The following ROR1 variants were observed in gnomAD, a reference collection of about 807,000 sequenced individuals.
ROR1 encodes ROR family WNT receptor 1.
Under a neutral mutation model 78.8 loss-of-function variants are expected in ROR1, and 19 were observed. The observed-to-expected ratio is 0.24, with a 90% CI of 0.17 to 0.35. ROR1 has a LOEUF of 0.35. ROR1 is among the 10% of genes least tolerant of loss of function. The probability of loss-of-function intolerance (pLI) is 1.00; values close to 1 mark genes in which losing one functional copy is unlikely to be tolerated. For synonymous variants in ROR1, 386 were observed against 433.6 expected (o/e 0.89, Z 1.36); for missense variants, 917 against 1,177.8 (o/e 0.78, Z 3.24).
At chr1:64,073,657 A>C (rs1348249563) in intron 4 of ROR1, among the ~76,000 whole-genome samples, 2 of 152,210 alleles carry the variant, frequency 1.3e-5, no homozygotes, top group Non-Finnish European at 2.9e-5. Context: ...TCTTCAGAGA[A>C]AGTTAGATGC....
chr1:64,142,993 A>G, intron 7 of ROR1: 2 of 1,101,720 alleles, frequency 1.8e-6, no homozygotes, highest in East Asian at 6.3e-5. Flanking sequence ...GGACCTTTTC[A>G]GCAAAAAAAG....
At chr1:63,842,613 A>G (rs1391143124) in intron 1 of ROR1, among the ~76,000 whole-genome samples, 9 of 152,182 alleles carry the variant, frequency 5.9e-5, no homozygotes, top group Non-Finnish European at 1.3e-4. Context: ...CAAGATGTGC[A>G]GAAACGGAAG....
chr1:64,013,789 T>C (rs1646496429), intron 2 of ROR1, among the ~76,000 whole-genome samples: 1 of 152,246 alleles, frequency 6.6e-6, no homozygotes, highest in Non-Finnish European at 1.5e-5. Context: ...CTCGGTGTAT[T>C]GAAATTATCT....
At chr1:64,087,558 T>C (rs1045031463) in intron 4 of ROR1, among the ~76,000 whole-genome samples, 2 of 152,180 alleles carry the variant, frequency 1.3e-5, no homozygotes, top group Admixed American at 6.5e-5. Flanking sequence ...CTTTAAGTAA[T>C]GTGGGCTTAA....
chr1:63,989,853 A>G (rs896255322), intron 1 of ROR1, among the ~76,000 whole-genome samples: 8 of 152,214 alleles, frequency 5.3e-5, no homozygotes, highest in Admixed American at 3.9e-4. Context: ...GAACAGATGC[A>G]TGGATATGCG....
chr1:63,909,307 C>T (rs1191684425), intron 1 of ROR1, among the ~76,000 whole-genome samples: 1 of 152,102 alleles, frequency 6.6e-6, no homozygotes, highest in Non-Finnish European at 1.5e-5. Flanking sequence ...TCAGTAAGTA[C>T]TTACAAACAA....
At chr1:63,787,476 T>TCCTGCCTTCCTGCCTTCCTGCCTTCCTG (rs1553131691) in intron 1 of ROR1, among the ~76,000 whole-genome samples, 4 of 132,484 alleles carry the variant, frequency 3.0e-5, no homozygotes, top group South Asian at 2.5e-4. Flanking sequence ...CTTCCTTCCT[T>TCCTGCCTTCCTGCCTTCCTGCCTTCCTG]CCTTCCTGCC....
At chr1:64,060,666 A>C (rs767355424) in intron 4 of ROR1, among the ~76,000 whole-genome samples, 9 of 152,186 alleles carry the variant, frequency 5.9e-5, no homozygotes, top group Non-Finnish European at 1.0e-4. Context: ...GTCACTTGGC[A>C]GCTGGGCCAG....
At chr1:64,097,987 G>T (rs1647363797) in intron 4 of ROR1, among the ~76,000 whole-genome samples, 1 of 152,114 alleles carries the variant, frequency 6.6e-6, no homozygotes. Context: ...ACACACAATT[G>T]CTACTCATCT....
intron 1 of ROR1, among the ~76,000 whole-genome samples, chr1:63,938,225 A>G (rs193068180): frequency 6.6e-6 from 1 of 152,318 alleles, no homozygotes; most frequent in Admixed American, 6.5e-5. Context: ...TATAGAATCT[A>G]TTTACACAGC....
chr1:64,105,032 G>C (rs1329468852), intron 4 of ROR1, among the ~76,000 whole-genome samples: 2 of 152,186 alleles, frequency 1.3e-5, no homozygotes, highest in African/African-American at 2.4e-5. Context: ...TTGAGGAATT[G>C]CTGTACTGTC....
At chr1:63,968,498 G>C (rs568489048) in intron 1 of ROR1, among the ~76,000 whole-genome samples, 1 of 151,168 alleles carries the variant, frequency 6.6e-6, no homozygotes, top group Non-Finnish European at 1.5e-5. Context: ...ATTATTTTTC[G>C]TATGAGAAAA....
intron 8 of ROR1, among the ~76,000 whole-genome samples, chr1:64,174,452 T>A (rs1650323020): frequency 6.6e-6 from 1 of 152,174 alleles, no homozygotes; most frequent in Non-Finnish European, 1.5e-5. Flanking sequence ...CAAAGCTCAC[T>A]TAGTTTGAAT....
At chr1:63,979,540 A>G (rs1333824693) in intron 1 of ROR1, among the ~76,000 whole-genome samples, 1 of 152,188 alleles carries the variant, frequency 6.6e-6, no homozygotes, top group African/African-American at 2.4e-5. Context: ...TAAGGCAGAG[A>G]GGGAGGGATA....
At chr1:64,034,340 G>A (rs1333779606) in intron 2 of ROR1, among the ~76,000 whole-genome samples, 4 of 151,988 alleles carry the variant, frequency 2.6e-5, no homozygotes, top group East Asian at 3.9e-4. Context: ...TACATTAGCT[G>A]CTTTTGTTTG....
chr1:64,002,390 C>T (rs1457408157), intron 1 of ROR1, among the ~76,000 whole-genome samples: 1 of 152,144 alleles, frequency 6.6e-6, no homozygotes, highest in Non-Finnish European at 1.5e-5. Flanking sequence ...TCCTAAAGTG[C>T]TGGGATTACA....
chr1:64,047,833 G>A (rs1477814253), intron 2 of ROR1, among the ~76,000 whole-genome samples: 1 of 152,204 alleles, frequency 6.6e-6, no homozygotes, highest in Non-Finnish European at 1.5e-5. Flanking sequence ...AGGAAGCAAA[G>A]CATTAGCAAG....
intron 4 of ROR1, among the ~76,000 whole-genome samples, chr1:64,125,513 T>C (rs1438595131): frequency 6.6e-6 from 1 of 152,190 alleles, no homozygotes; most frequent in African/African-American, 2.4e-5. Flanking sequence ...AAGCTTCAAA[T>C]ACTCTCATGG....
At chr1:63,847,184 G>C (rs1293563178) in intron 1 of ROR1, among the ~76,000 whole-genome samples, 1 of 152,150 alleles carries the variant, frequency 6.6e-6, no homozygotes, top group African/African-American at 2.4e-5. Context: ...GTATGTGCTG[G>C]CTCCGTGCCT....
Sources: allele counts gnomAD v4.1 joint callset (sites outside exome capture counted in the v4.1 genomes callset), GRCh38; gene constraint gnomAD v4.1.1; transcripts MANE v1.5; gene names NCBI Gene and HGNC (gene_info 2026-07-23, HGNC 2026-07-21).